Variants in CTNND2 observed in about 807,000 individuals in gnomAD.
The protein encoded by CTNND2 is catenin delta 2, also known as catenin delta-2.
In CTNND2, 22 loss-of-function variants were observed where a neutral mutation model predicts 144.4. The ratio of observed to expected loss-of-function variants is 0.15; its 90% CI spans 0.11 to 0.22. CTNND2 has a LOEUF of 0.22. Ranked by LOEUF, CTNND2 falls within the 10% of genes least tolerant of loss-of-function variation. The pLI, the probability that CTNND2 is intolerant of heterozygous loss-of-function variation, is 1.00. For missense variants in CTNND2, 1,353 were observed against 1,618.8 expected, an observed-to-expected ratio of 0.84 and a Z score of 2.82; for synonymous variants, 751 against 695.6, an observed-to-expected ratio of 1.08 and a Z score of -1.25.
chr5:11,117,656 T>C (rs1226551844), intron 12 of CTNND2, 89 bp from the exon 13 acceptor site: 29 of 1,010,620 alleles, frequency 2.9e-5, no homozygotes, highest in Middle Eastern at 4.1e-4. Context: ...AGTTTGAAAG[T>C]AAATGCATTT....
At chr5:11,627,664 A>G (rs79177877) in intron 2 of CTNND2, among the ~76,000 whole-genome samples, 3,360 of 152,012 alleles carry the variant, frequency 0.022, 74 homozygotes, top group East Asian at 0.11. Context: ...ACCAGGGACC[A>G]GTTTCATGGA....
At chr5:11,849,293 T>C (rs1794903319) in intron 1 of CTNND2, among the ~76,000 whole-genome samples, 1 of 151,964 alleles carries the variant, frequency 6.6e-6, no homozygotes, top group Non-Finnish European at 1.5e-5. Flanking sequence ...TTCAATTATC[T>C]CCCACCAGGT....
chr5:11,453,084 C>T (rs1013702686), intron 3 of CTNND2, among the ~76,000 whole-genome samples: 7 of 152,144 alleles, frequency 4.6e-5, no homozygotes, highest in Non-Finnish European at 1.0e-4. Flanking sequence ...ACTAATGTGA[C>T]TCACCAAAGA....
chr5:11,554,962 A>T (rs1217893811), intron 3 of CTNND2, among the ~76,000 whole-genome samples: 1 of 151,494 alleles, frequency 6.6e-6, no homozygotes, highest in Non-Finnish European at 1.5e-5. Flanking sequence ...TACATAACAT[A>T]AAAAAATGAA....
At chr5:11,475,116 C>T (rs1270326079) in intron 3 of CTNND2, among the ~76,000 whole-genome samples, 1 of 152,236 alleles carries the variant, frequency 6.6e-6, no homozygotes, top group Non-Finnish European at 1.5e-5. Context: ...TCTCTTCATA[C>T]TGCAGGCAAG....
chr5:11,368,319 T>C (rs896702453), intron 7 of CTNND2, among the ~76,000 whole-genome samples: 1 of 152,204 alleles, frequency 6.6e-6, no homozygotes, highest in African/African-American at 2.4e-5. Context: ...CCATCTCTTC[T>C]TCACCACAGC....
intron 18 of CTNND2, among the ~76,000 whole-genome samples, chr5:11,015,507 C>A (rs188905067): frequency 2.3e-4 from 35 of 152,288 alleles, no homozygotes; most frequent in African/African-American, 8.4e-4. Flanking sequence ...GTTTTAGCTC[C>A]ATTAAATTCC....
At chr5:11,859,758 TA>T (rs760882159) in intron 1 of CTNND2, among the ~76,000 whole-genome samples, 2 of 152,146 alleles carry the variant, frequency 1.3e-5, no homozygotes, top group Non-Finnish European at 2.9e-5. Context: ...TCTTCTCACT[TA>T]ACCTTTTTCT....
At chr5:11,223,851 G>A (rs890897939) in intron 10 of CTNND2, among the ~76,000 whole-genome samples, 1 of 152,214 alleles carries the variant, frequency 6.6e-6, no homozygotes, top group Non-Finnish European at 1.5e-5. Flanking sequence ...AGGAGGAAAA[G>A]GAGGAGAAAG....
intron 8 of CTNND2, among the ~76,000 whole-genome samples, chr5:11,361,945 C>T (rs1174100227): frequency 6.6e-6 from 1 of 152,212 alleles, no homozygotes; most frequent in South Asian, 2.1e-4. Flanking sequence ...TACTGAAAGA[C>T]CTCCACCTGG....
chr5:11,265,698 ATTTTTT>A (rs5865929), intron 9 of CTNND2, among the ~76,000 whole-genome samples: 1,994 of 77,504 alleles, frequency 0.026, 35 homozygotes, highest in African/African-American at 0.1. Context: ...TGTATTCTCT[ATTTTTT>A]TTTTTTTTTT....
intron 16 of CTNND2, among the ~76,000 whole-genome samples, chr5:11,052,503 T>C (rs143037640): frequency 6.6e-6 from 1 of 152,292 alleles, no homozygotes; most frequent in East Asian, 1.9e-4. Flanking sequence ...GACTCTTCCA[T>C]GGAAAGTATC....
intron 1 of CTNND2, among the ~76,000 whole-genome samples, chr5:11,857,526 C>G (rs190641737): frequency 1.4e-4 from 21 of 152,280 alleles, no homozygotes; most frequent in Admixed American, 1.1e-3. Flanking sequence ...TGAGTTTATA[C>G]CTGTGTCCTA....
intron 2 of CTNND2, among the ~76,000 whole-genome samples, chr5:11,683,103 A>C (rs1445705955): frequency 6.6e-6 from 1 of 152,196 alleles, no homozygotes; most frequent in Admixed American, 6.5e-5. Flanking sequence ...TTCAGTTTGC[A>C]CTGCTAATTT....
At chr5:11,382,519 A>G (rs1362523764) in intron 7 of CTNND2, among the ~76,000 whole-genome samples, 4 of 151,780 alleles carry the variant, frequency 2.6e-5, no homozygotes, top group African/African-American at 9.7e-5. Context: ...AATCACTTGA[A>G]TCCAGGAGAT....
intron 3 of CTNND2, among the ~76,000 whole-genome samples, chr5:11,448,865 T>G (rs31960): frequency 0.11 from 16,590 of 151,888 alleles, 2,905 homozygotes; most frequent in African/African-American, 0.37. Flanking sequence ...TTTGCTAGTT[T>G]GTTTGTTTGT....
intron 10 of CTNND2, among the ~76,000 whole-genome samples, chr5:11,234,969 C>A (rs925526076): frequency 4.6e-5 from 7 of 152,196 alleles, no homozygotes; most frequent in African/African-American, 1.7e-4. Context: ...AGTTTCCTTT[C>A]CATAAGCTTT....
intron 2 of CTNND2, among the ~76,000 whole-genome samples, chr5:11,628,351 A>C (rs1166614657): frequency 6.6e-6 from 1 of 152,214 alleles, no homozygotes; most frequent in Non-Finnish European, 1.5e-5. Context: ...CATTAGCTTA[A>C]GTGAGAAGTG....
intron 10 of CTNND2, among the ~76,000 whole-genome samples, chr5:11,203,532 T>G (rs1035096899): frequency 1.3e-5 from 2 of 152,172 alleles, no homozygotes; most frequent in African/African-American, 2.4e-5. Context: ...AACCTCCGCC[T>G]CCAGGGTTCA....
Sources: allele counts gnomAD v4.1 joint callset (sites outside exome capture counted in the v4.1 genomes callset), GRCh38; gene constraint gnomAD v4.1.1; transcripts MANE v1.5; gene names NCBI Gene and HGNC (gene_info 2026-07-23, HGNC 2026-07-21).